Variants in RIMS1 observed in about 807,000 individuals in gnomAD.
The protein encoded by RIMS1 is regulating synaptic membrane exocytosis protein 1.
A neutral mutation model predicts 214.1 loss-of-function variants in RIMS1; 83 were observed. That is an observed-to-expected ratio of 0.39 (90% confidence interval 0.32 to 0.47). RIMS1 has a LOEUF of 0.47. Ranked by LOEUF, RIMS1 falls within the 20% of genes least tolerant of loss-of-function variation. The probability of loss-of-function intolerance (pLI) is 0.99; values close to 1 mark genes in which losing one functional copy is unlikely to be tolerated. For missense variants in RIMS1, 2,050 were observed against 2,161.8 expected, an observed-to-expected ratio of 0.95 and a Z score of 1.03; for synonymous variants, 793 against 786.8, an observed-to-expected ratio of 1.01 and a Z score of -0.13.
chr6:72,265,921 CTT>C, intron 21 of RIMS1, 37 bp from the exon 22 acceptor site: 1 of 1,406,648 alleles, frequency 7.1e-7, no homozygotes, highest in Non-Finnish European at 9.8e-7. Context: ...TTTTCTCTGT[CTT>C]TCTCTTCTAC....
chr6:72,265,614 G>A, intron 21 of RIMS1, 111 bp downstream of exon 21: 1 of 627,556 alleles, frequency 1.6e-6, no homozygotes, highest in Non-Finnish European at 2.7e-6. Context: ...TTGTTTTGGT[G>A]TGGCATCTGT....
At chr6:72,005,784 T>C (rs1208151896) in intron 2 of RIMS1, among the ~76,000 whole-genome samples, 1 of 152,198 alleles carries the variant, frequency 6.6e-6, no homozygotes. Flanking sequence ...GATAGTTTGA[T>C]CTCTCCTGAC....
At chr6:72,316,619 A>T (rs1034524070) in intron 28 of RIMS1, 14 of 463,238 alleles carry the variant, frequency 3.0e-5, no homozygotes, top group Admixed American at 1.4e-4. Flanking sequence ...CAAGAGAGCA[A>T]CCAGCCTGGA....
intron 19 of RIMS1, chr6:72,261,146 A>G (rs758741223): frequency 2.5e-5 from 26 of 1,038,506 alleles, no homozygotes; most frequent in Non-Finnish European, 2.9e-5. Context: ...TGGCAGTGTC[A>G]TTGTTTCATA....
chr6:72,159,228 C>T (rs1428798744), intron 4 of RIMS1, among the ~76,000 whole-genome samples: 1 of 140,988 alleles, frequency 7.1e-6, no homozygotes, highest in East Asian at 2.0e-4. Flanking sequence ...ATCTTTCACC[C>T]ACTTGTTGAT....
chr6:72,243,223 T>G (rs2067766613), intron 10 of RIMS1, among the ~76,000 whole-genome samples: 1 of 151,820 alleles, frequency 6.6e-6, no homozygotes, highest in Non-Finnish European at 1.5e-5. Context: ...CAGCCATTAT[T>G]TCAAGGCTTT....
chr6:72,367,727 A>G (rs1401486643), intron 29 of RIMS1, among the ~76,000 whole-genome samples: 1 of 152,184 alleles, frequency 6.6e-6, no homozygotes, highest in Non-Finnish European at 1.5e-5. Context: ...TTCTCCAAAG[A>G]CTAAACATAT....
intron 4 of RIMS1, among the ~76,000 whole-genome samples, chr6:72,106,151 T>G (rs2034697022): frequency 6.6e-6 from 1 of 152,212 alleles, no homozygotes; most frequent in Non-Finnish European, 1.5e-5. Context: ...GCAATAGTTT[T>G]TTCATATGTA....
chr6:72,179,671 G>A lies in RIMS1; in HGVS notation c.568G>A (p.Asp190Asn). ...AAGTGGCCCTCAGCAGACAAGTCAG[G>A]ATGGAACCCTGAGTGATACAGCTAC... The part of the protein sequence containing the change: ...FGSGPQQTSQ[D>N]GTLSDTATGA... Residue 190 changes from aspartate (D) to asparagine (N), a missense_variant, in exon 5 of 34, where the codon GAT becomes AAT. Physicochemically the swap from Asp to Asn is conservative, Grantham distance 23 (BLOSUM62 1). This residue lies in a region of RIMS1 where 882 missense variants were observed against 828.9 expected (regional missense o/e 1.06). Transcript: ENST00000521978. 5.0e-6 allele frequency: 8 copies of A among 1,613,968 alleles called. No homozygotes were observed. Among genetic ancestry groups the A allele is most frequent in the Non-Finnish European group, 6.8e-6 (8 of 1,179,886 alleles).
chr6:71,892,521 C>T (rs1230620844), intron 1 of RIMS1, among the ~76,000 whole-genome samples: 4 of 151,986 alleles, frequency 2.6e-5, no homozygotes, highest in South Asian at 2.1e-4. Context: ...GTCTGGCTTC[C>T]GCAGTTCTGG....
chr6:72,178,230 TG>T (rs2047972398), intron 4 of RIMS1, among the ~76,000 whole-genome samples: 1 of 152,180 alleles, frequency 6.6e-6, no homozygotes, highest in Non-Finnish European at 1.5e-5. Context: ...TTTTCTTTCC[TG>T]GAAAGCAGTT....
intron 1 of RIMS1, among the ~76,000 whole-genome samples, chr6:71,933,521 G>C (rs923609173): frequency 6.6e-6 from 1 of 152,080 alleles, no homozygotes; most frequent in Admixed American, 6.6e-5. Context: ...TTGACCATCT[G>C]CATTACACTG....
At chr6:72,053,608 T>A (rs1356042777) in intron 2 of RIMS1, among the ~76,000 whole-genome samples, 1 of 152,254 alleles carries the variant, frequency 6.6e-6, no homozygotes, top group East Asian at 1.9e-4. Flanking sequence ...GCAGTTATTC[T>A]CCCCAAGTGA....
chr6:72,248,111 T>C lies in RIMS1; in HGVS notation c.2225T>C (p.Leu742Ser), dbSNP rs955314908. Reference sequence around the variant, plus strand: ...GCTCTAAAAGATGCCCCACAAGTCTTACCAGGGCAACTTTCTGTATGTATT... The same window carrying C: ...GCTCTAAAAGATGCCCCACAAGTCTCACCAGGGCAACTTTCTGTATGTATT... ...PGALKDAPQV[L>S]PGQLSVKLWY... is the part of the protein sequence containing the mutation. The change falls in exon 12 of 34, where the codon TTA (leucine) becomes TCA (serine). Residue 742 changes from leucine (L) to serine (S), a missense_variant. By Grantham distance (145) the Leu-to-Ser change is moderately radical (BLOSUM62 -2). Around this residue, in one of 6 missense-constraint regions of RIMS1, gnomAD observed 111 missense variants for 166.2 expected, o/e 0.67. Coordinates refer to ENST00000521978, the MANE Select transcript of RIMS1 (RefSeq NM_014989.7). 1.2e-6 allele frequency: 2 copies of C among 1,610,378 alleles called. No homozygotes were observed. The highest frequency in any genetic ancestry group is 1.7e-6 in the Non-Finnish European group (2 of 1,177,598).
Position 72,291,999 on chromosome 6 carries a change from G to A in RIMS1, c.3803G>A (p.Gly1268Glu). 6.4e-7 allele frequency: 1 copy of A among 1,563,202 alleles called. No individual in the cohort carries two copies. The highest frequency in any genetic ancestry group is 8.7e-7 in the Non-Finnish European group (1 of 1,153,842). Residue 1268 changes from glycine (G) to glutamate (E), a missense_variant, in exon 26 of 34, where the codon GGA becomes GAA. By Grantham distance (98) the Gly-to-Glu change is moderately conservative. Transcript: ENST00000521978. Reference sequence around the variant, plus strand: ...GACACATCGTTCAGCAGTCGCAGGGGAAGACAGCTCCCACAAGTGCCAGTG... The same window carrying A: ...GACACATCGTTCAGCAGTCGCAGGGAAAGACAGCTCCCACAAGTGCCAGTG... ...PADTSFSSRRGRQLPQVPVRS... is the reference protein window; with the variant it reads ...PADTSFSSRRERQLPQVPVRS...
intron 2 of RIMS1, among the ~76,000 whole-genome samples, chr6:72,022,427 G>A (rs1814988420): frequency 1.3e-5 from 2 of 152,106 alleles, no homozygotes; most frequent in Admixed American, 6.6e-5. Flanking sequence ...AACTTATAAG[G>A]AGAGTAGGTG....
At chr6:72,138,928 A>G (rs1264608774) in intron 4 of RIMS1, among the ~76,000 whole-genome samples, 1 of 152,206 alleles carries the variant, frequency 6.6e-6, no homozygotes. Context: ...GGAGTTTACC[A>G]TGAACAATTC....
chr6:71,896,580 A>G (rs1771859675), intron 1 of RIMS1, among the ~76,000 whole-genome samples: 1 of 152,146 alleles, frequency 6.6e-6, no homozygotes. Flanking sequence ...GTACCAGGCC[A>G]CAAGAAGCAG....
At chr6:72,138,454 A>G (rs1399974202) in intron 4 of RIMS1, among the ~76,000 whole-genome samples, 1 of 152,132 alleles carries the variant, frequency 6.6e-6, no homozygotes, top group African/African-American at 2.4e-5. Flanking sequence ...ATCTCTATAA[A>G]TCTGCTTTTT....
Sources: gnomAD v4.1 joint callset for allele counts (sites outside exome capture counted in the v4.1 genomes callset) on GRCh38, gnomAD v4.1.1 for gene constraint, gnomAD v4.1.1 regional missense constraint, MANE v1.5 for transcripts, NCBI Gene and HGNC (gene_info 2026-07-23, HGNC 2026-07-21) for gene names.